The following HPCAL1 variants were observed in gnomAD, a reference collection of about 807,000 sequenced individuals.
The protein encoded by HPCAL1 is hippocalcin like 1.
Under a neutral mutation model 17.1 loss-of-function variants are expected in HPCAL1, and 8 were observed. The observed-to-expected ratio is 0.47, with a 90% CI of 0.27 to 0.84. The LOEUF is 0.84. Ranked by LOEUF, HPCAL1 falls within the 40% of genes least tolerant of loss-of-function variation. HPCAL1 has a pLI of 0.13. For missense variants in HPCAL1, 165 were observed against 271.1 expected (o/e 0.61, Z 2.75); for synonymous variants, 112 against 111.4 (o/e 1.01, Z -0.03).
At chr2:10,346,400 C>G (rs560892706) in intron 1 of HPCAL1, among the ~76,000 whole-genome samples, 18 of 152,312 alleles carry the variant, frequency 1.2e-4, no homozygotes, top group African/African-American at 3.1e-4. Flanking sequence ...GCTGTGGAGT[C>G]TTGGGGGAGG....
At chr2:10,391,893 C>T (rs1668716787) in intron 1 of HPCAL1, among the ~76,000 whole-genome samples, 1 of 152,144 alleles carries the variant, frequency 6.6e-6, no homozygotes. Context: ...GGATTACAGG[C>T]GCGTGCCACC....
chr2:10,372,883 C>T (rs951419061), intron 1 of HPCAL1, among the ~76,000 whole-genome samples: 10 of 152,208 alleles, frequency 6.6e-5, no homozygotes, highest in South Asian at 2.1e-4. Context: ...CTCTGGGTCC[C>T]GGGACTGTGG....
intron 1 of HPCAL1, among the ~76,000 whole-genome samples, chr2:10,386,546 G>A (rs1321543474): frequency 2.0e-5 from 3 of 152,150 alleles, no homozygotes; most frequent in African/African-American, 7.2e-5. Flanking sequence ...CTGGGAGGGG[G>A]TGAGGTTGTG....
chr2:10,350,164 A>G (rs1665753290), intron 1 of HPCAL1, among the ~76,000 whole-genome samples: 1 of 152,172 alleles, frequency 6.6e-6, no homozygotes. Flanking sequence ...AAACAAACGT[A>G]ACTGAGTCTT....
intron 2 of HPCAL1, among the ~76,000 whole-genome samples, chr2:10,411,629 C>T (rs1670361624): frequency 6.6e-6 from 1 of 152,208 alleles, no homozygotes; most frequent in Non-Finnish European, 1.5e-5. Flanking sequence ...ATAACTCAAG[C>T]CCCCCAGGGA....
intron 2 of HPCAL1, among the ~76,000 whole-genome samples, chr2:10,402,102 C>T (rs1669652782): frequency 6.6e-6 from 1 of 152,098 alleles, no homozygotes; most frequent in Non-Finnish European, 1.5e-5. Flanking sequence ...GTTTCACCAT[C>T]TTGGCCAGGC....
In HPCAL1 at chr2:10,419,007, C is replaced by T. The variant is rs1270697132; in HGVS notation, c.-24-727C>T. Among the ~76,000 whole-genome samples the T allele has an allele frequency of 6.6e-6, 1 of 151,908 alleles. No individual in the cohort carries two copies. Among genetic ancestry groups the T allele is most frequent in the African/African-American group, 2.4e-5 (1 of 41,326 alleles). The stretch of plus-strand genomic sequence containing the variant: ...GGTGGATCACCTGAGGTCTGGAGTT[C>T]GAGACCAGCCTGGCCAACATGGTGA... On this transcript the variant is annotated intron_variant, in intron 2 of 4. Coordinates refer to ENST00000307845, the MANE Select transcript of HPCAL1 (RefSeq NM_002149.4). The surrounding 1 kb of genome is among the most constrained non-coding windows in gnomAD (Gnocchi z 5.0).
intron 2 of HPCAL1, among the ~76,000 whole-genome samples, chr2:10,399,424 TCACCACCAC>T (rs1558518268): frequency 1.1e-4 from 1 of 8,700 alleles, no homozygotes; most frequent in South Asian, 5.5e-3. Context: ...ACCACCACCA[TCACCACCAC>T]CACCACCATC....
chr2:10,303,516 G>T (rs530247029), intron 1 of HPCAL1, among the ~76,000 whole-genome samples: 1 of 152,294 alleles, frequency 6.6e-6, no homozygotes, highest in African/African-American at 2.4e-5. Flanking sequence ...CGCAGAGCGG[G>T]GTGGCGGGGT....
At chr2:10,414,725 A>G (rs1670553024) in intron 2 of HPCAL1, among the ~76,000 whole-genome samples, 1 of 152,140 alleles carries the variant, frequency 6.6e-6, no homozygotes, top group African/African-American at 2.4e-5. Context: ...GCCACGTGCC[A>G]GAGAGGAGTA....
intron 2 of HPCAL1, among the ~76,000 whole-genome samples, chr2:10,399,530 T>TCACCGCCACCACTACC (rs1558518734): frequency 2.3e-5 from 2 of 85,864 alleles, no homozygotes; most frequent in African/African-American, 9.6e-5. Context: ...CCACCGCCAC[T>TCACCGCCACCACTACC]GCCACCGCCA....
In HPCAL1 at chr2:10,331,749, G is replaced by C. The variant is rs1178146499; in HGVS notation, c.-111+28572G>C. On this transcript the variant is annotated intron_variant, in intron 1 of 4. Transcript: ENST00000307845. The surrounding 1 kb of genome is among the most constrained non-coding windows in gnomAD (Gnocchi z 5.0). ...TGGTGTTTCTAGTCTTTTGTGGATG[G>C]GGACATAAACAAGCCGCCATCAACT... 6.6e-6 allele frequency among the ~76,000 whole-genome samples: 1 copy of C among 152,074 alleles called. No individual in the cohort carries two copies. The highest frequency in any genetic ancestry group is 6.5e-5 in the Admixed American group (1 of 15,280).
At chr2:10,360,737 A>G (rs148726117) in intron 1 of HPCAL1, among the ~76,000 whole-genome samples, 85 of 152,202 alleles carry the variant, frequency 5.6e-4, no homozygotes, top group African/African-American at 2.0e-3. Context: ...ATTCCTTTGG[A>G]AAATGAATCT....
At chr2:10,350,544 T>G (rs966685717) in intron 1 of HPCAL1, among the ~76,000 whole-genome samples, 6 of 152,092 alleles carry the variant, frequency 3.9e-5, no homozygotes, top group African/African-American at 1.4e-4. Flanking sequence ...ACTCCTGGGC[T>G]CAAGCGATCC....
intron 2 of HPCAL1, among the ~76,000 whole-genome samples, chr2:10,399,217 C>T (rs1300516337): frequency 3.4e-4 from 20 of 58,698 alleles, no homozygotes; most frequent in South Asian, 1.2e-3. Flanking sequence ...TGCACCACCA[C>T]CACCACCACC....
chr2:10,413,185 C>T (rs573538847), intron 2 of HPCAL1, among the ~76,000 whole-genome samples: 37 of 152,316 alleles, frequency 2.4e-4, no homozygotes, highest in African/African-American at 8.7e-4. Context: ...TTCCTCCTCC[C>T]CTGCCCATCC....
At position 10,419,597 on chromosome 2, in the gene HPCAL1, G is replaced by A; in HGVS notation, c.-24-137G>A. 1 of 728,868 alleles carries A rather than the reference G, an allele frequency of 1.4e-6. No individual in the cohort carries two copies. Among genetic ancestry groups the A allele is most frequent in the South Asian group, 1.9e-5 (1 of 51,580 alleles). The allele number at this position is 728,868 out of a possible 1,614,324, so 45.2% of individuals were successfully genotyped here. Reference sequence around the variant, plus strand: ...TTGGTGGTCCATAAGATAGCGGCATGCCTTCCGATGGGGGACCCGGGAGTT... The same window carrying A: ...TTGGTGGTCCATAAGATAGCGGCATACCTTCCGATGGGGGACCCGGGAGTT... On this transcript the variant is annotated intron_variant, in intron 2 of 4. Coordinates refer to ENST00000307845, the MANE Select transcript of HPCAL1 (RefSeq NM_002149.4). This position sits in a 1 kb window ranked among gnomAD's most constrained non-coding sequence, Gnocchi z 5.0.
intron 1 of HPCAL1, among the ~76,000 whole-genome samples, chr2:10,312,991 G>C (rs1663087349): frequency 6.6e-6 from 1 of 152,142 alleles, no homozygotes; most frequent in African/African-American, 2.4e-5. Context: ...GCTTGACATG[G>C]CACATTCCTG....
intron 4 of HPCAL1, chr2:10,423,350 C>T (rs1450282804): frequency 2.1e-5 from 10 of 466,564 alleles, no homozygotes; most frequent in East Asian, 2.0e-4. Flanking sequence ...CTTATAGAAT[C>T]GGGCATACCC....
Sources: allele counts gnomAD v4.1 joint callset (sites outside exome capture counted in the v4.1 genomes callset), GRCh38; gene constraint gnomAD v4.1.1; non-coding constraint Gnocchi (gnomAD v3.1); transcripts MANE v1.5; gene names NCBI Gene and HGNC (gene_info 2026-07-23, HGNC 2026-07-21).